SNX7: variants seen among roughly 807,000 people sequenced by gnomAD.
SNX7 encodes the protein sorting nexin-7.
SNX7 carries 35 observed loss-of-function variants against 48.4 expected under a neutral mutation model. The observed-to-expected ratio is 0.72, with a 90% CI of 0.55 to 0.96. SNX7 has a LOEUF of 0.96. Ranked by LOEUF, SNX7 falls within the 40% of genes least tolerant of loss-of-function variation. SNX7 has a pLI of 0.00. For missense variants in SNX7, 553 were observed against 548.9 expected, an observed-to-expected ratio of 1.01 and a Z score of -0.07; for synonymous variants, 190 against 190.2, an observed-to-expected ratio of 1.00 and a Z score of 0.01.
At chr1:98,711,491 G>C (rs1652303978) in intron 7 of SNX7, among the ~76,000 whole-genome samples, 1 of 152,118 alleles carries the variant, frequency 6.6e-6, no homozygotes, top group Non-Finnish European at 1.5e-5. Flanking sequence ...GAAATTTTTG[G>C]CTTCCCAGTG....
intron 8 of SNX7, among the ~76,000 whole-genome samples, chr1:98,748,036 C>T (rs1011926443): frequency 2.8e-5 from 4 of 145,202 alleles, no homozygotes; most frequent in Non-Finnish European, 6.0e-5. Flanking sequence ...GAGTGCAGTG[C>T]TCCAATCTCA....
chr1:98,707,281 G>C (rs1320977512), intron 7 of SNX7, among the ~76,000 whole-genome samples: 4 of 152,122 alleles, frequency 2.6e-5, no homozygotes, highest in Non-Finnish European at 5.9e-5. Flanking sequence ...CTCCATTTAT[G>C]AGGCATTTCA....
intron 7 of SNX7, among the ~76,000 whole-genome samples, chr1:98,717,707 T>C (rs1318218137): frequency 6.6e-6 from 1 of 152,162 alleles, no homozygotes; most frequent in Admixed American, 6.6e-5. Flanking sequence ...CTTGTTTATC[T>C]CTCAGTCACA....
chr1:98,672,749 C>G (rs1452411466), intron 1 of SNX7, among the ~76,000 whole-genome samples: 1 of 149,582 alleles, frequency 6.7e-6, no homozygotes, highest in African/African-American at 2.5e-5. Flanking sequence ...AAGGTGAAAC[C>G]CCGTCTCTAC....
At chr1:98,744,401 A>G (rs545299303) in intron 8 of SNX7, among the ~76,000 whole-genome samples, 1 of 151,974 alleles carries the variant, frequency 6.6e-6, no homozygotes, top group Non-Finnish European at 1.5e-5. Context: ...ACAGTCAAGA[A>G]GGAATACAGA....
intron 2 of SNX7, among the ~76,000 whole-genome samples, chr1:98,685,927 A>G (rs1247062436): frequency 6.6e-6 from 1 of 152,114 alleles, no homozygotes; most frequent in Non-Finnish European, 1.5e-5. Flanking sequence ...ACTTTCTTGT[A>G]TGACATATAA....
chr1:98,718,532 T>C (rs1652703965), intron 7 of SNX7, among the ~76,000 whole-genome samples: 1 of 152,156 alleles, frequency 6.6e-6, no homozygotes, highest in Non-Finnish European at 1.5e-5. Flanking sequence ...TCTTCAGCTC[T>C]AACATAACTA....
chr1:98,699,799 G>T (rs929893200), intron 6 of SNX7, among the ~76,000 whole-genome samples: 8 of 152,098 alleles, frequency 5.3e-5, no homozygotes, highest in Admixed American at 1.3e-4. Flanking sequence ...GGTTTAGTTT[G>T]ACAGAGTCAT....
chr1:98,692,191 G>T (rs1651177867), intron 4 of SNX7, among the ~76,000 whole-genome samples: 1 of 151,962 alleles, frequency 6.6e-6, no homozygotes, highest in African/African-American at 2.4e-5. Context: ...TAAACAGTTG[G>T]TTAACACATA....
At chr1:98,693,359 G>A (rs1389000351) in intron 4 of SNX7, among the ~76,000 whole-genome samples, 1 of 152,044 alleles carries the variant, frequency 6.6e-6, no homozygotes. Flanking sequence ...CAGGACAAAG[G>A]GTCAATATTA....
chr1:98,682,556 G>T (rs1650559708), intron 1 of SNX7, among the ~76,000 whole-genome samples: 1 of 152,034 alleles, frequency 6.6e-6, no homozygotes, highest in Non-Finnish European at 1.5e-5. Flanking sequence ...TATAATTCTA[G>T]GTTGAAAATA....
At chr1:98,739,972 G>T (rs12402587) in intron 8 of SNX7, among the ~76,000 whole-genome samples, 1 of 152,062 alleles carries the variant, frequency 6.6e-6, no homozygotes, top group Non-Finnish European at 1.5e-5. Context: ...AGGCAACACT[G>T]GACATGATGA....
At chr1:98,666,102 A>T (rs968575271) in intron 1 of SNX7, among the ~76,000 whole-genome samples, 4 of 152,342 alleles carry the variant, frequency 2.6e-5, no homozygotes, top group African/African-American at 9.6e-5. Context: ...TTCTCTGCAC[A>T]GTCTATTTGG....
At chr1:98,745,961 T>C (rs1208423784) in intron 8 of SNX7, among the ~76,000 whole-genome samples, 1 of 152,086 alleles carries the variant, frequency 6.6e-6, no homozygotes, top group African/African-American at 2.4e-5. Flanking sequence ...CTTGTCCTTT[T>C]AACCAAATAT....
intron 1 of SNX7, among the ~76,000 whole-genome samples, chr1:98,666,574 C>T (rs2100901970): frequency 6.6e-6 from 1 of 152,218 alleles, no homozygotes; most frequent in Middle Eastern, 3.4e-3. Context: ...GGTCGTAGGA[C>T]ATAGTACAAC....
At chr1:98,733,895 G>T (rs982331366) in intron 7 of SNX7, among the ~76,000 whole-genome samples, 7 of 152,042 alleles carry the variant, frequency 4.6e-5, no homozygotes. Context: ...ACATATCTCT[G>T]ACTCAGTCTG....
intron 8 of SNX7, among the ~76,000 whole-genome samples, chr1:98,759,082 T>C (rs1005872612): frequency 1.3e-5 from 2 of 152,024 alleles, no homozygotes; most frequent in African/African-American, 2.4e-5. Flanking sequence ...ATAGACACTT[T>C]AAAGCTGTGA....
intron 7 of SNX7, among the ~76,000 whole-genome samples, chr1:98,721,484 C>T (rs1034323988): frequency 2.0e-5 from 3 of 152,030 alleles, no homozygotes; most frequent in East Asian, 1.9e-4. Flanking sequence ...TTAAGGTTTG[C>T]ATCACAAGCT....
chr1:98,666,549 A>G (rs1359791399), intron 1 of SNX7, among the ~76,000 whole-genome samples: 1 of 152,160 alleles, frequency 6.6e-6, no homozygotes, highest in Non-Finnish European at 1.5e-5. Flanking sequence ...TAGGGCACAG[A>G]AAATAGATGG....
Sources: allele counts gnomAD v4.1 joint callset (sites outside exome capture counted in the v4.1 genomes callset), GRCh38; gene constraint gnomAD v4.1.1; transcripts MANE v1.5; gene names NCBI Gene and HGNC (gene_info 2026-07-23, HGNC 2026-07-21).